The following CACNA1G variants were observed in gnomAD, a reference collection of about 807,000 sequenced individuals.
CACNA1G encodes voltage-dependent T-type calcium channel subunit alpha-1G.
Under a neutral mutation model 219.4 loss-of-function variants are expected in CACNA1G, and 67 were observed. That is an observed-to-expected ratio of 0.31 (90% CI 0.25 to 0.37). CACNA1G has a LOEUF of 0.37. Among genes scored for constraint, CACNA1G ranks in the 10% least tolerant of loss-of-function variants. The probability of loss-of-function intolerance (pLI) is 1.00; values close to 1 mark genes in which losing one functional copy is unlikely to be tolerated. For synonymous variants in CACNA1G, 1,296 were observed against 1,345.3 expected (o/e 0.96, Z 0.80); for missense variants, 2,380 against 3,231.4 (o/e 0.74, Z 6.39).
Position 50,626,967 on chromosome 17 carries a change from C to CCTCAGCTGT in CACNA1G, c.*217_*218insTCAGCTGTC. The CCTCAGCTGT allele has an allele frequency of 1.4e-6, 1 of 701,598 alleles. No individual in the cohort carries two copies. Among genetic ancestry groups the CCTCAGCTGT allele is most frequent in the South Asian group, 1.5e-5 (1 of 67,528 alleles). The allele number at this position is 701,598 out of a possible 1,614,324, so 43.5% of individuals were successfully genotyped here. A position where few individuals can be genotyped will look rare whatever the true frequency, so the allele number is the denominator to read the frequency against. On this transcript the variant is annotated 3_prime_UTR_variant, in exon 38 of 38. Transcript: ENST00000359106. The surrounding 1 kb of genome is among the most constrained non-coding windows in gnomAD (Gnocchi z 4.3). ...TCTGGCTCCAGGCAGAAGGAGAGGC[C>CCTCAGCTGT]CGGTGCAGCTGAGGTTCCCGACACC...
At chr17:50,581,239 A>G (rs1217924819) in intron 9 of CACNA1G, among the ~76,000 whole-genome samples, 1 of 151,846 alleles carries the variant, frequency 6.6e-6, no homozygotes, top group Non-Finnish European at 1.5e-5. Flanking sequence ...AGGGAGCTGA[A>G]GACAGAGACC....
chr17:50,576,205 G>C lies in CACNA1G; in HGVS notation c.1803G>C (p.Thr601=), dbSNP rs751292455. The C allele has an allele frequency of 1.2e-6, 2 of 1,609,006 alleles. No individual in the cohort carries two copies. The highest frequency in any genetic ancestry group is 3.4e-5 in the Admixed American group (2 of 59,604). The change falls in exon 8 of 38, where the codon ACG becomes ACC. Residue 601 remains threonine, a synonymous_variant. Coordinates refer to ENST00000359106, the MANE Select transcript of CACNA1G (RefSeq NM_018896.5). ...PTVHTSPPPE[T]LKEKALVEVA... ...TGCACACCAGCCCTCCACCGGAGAC[G>C]CTGAAGGAGAAGGCACTAGTAGAGG...
At position 50,596,258 on chromosome 17, in the gene CACNA1G, C is replaced by T. The variant is rs955130906; in HGVS notation, c.2980-304C>T. The stretch of plus-strand genomic sequence containing the variant: ...CCCCTCTGGCCTGTGCCACCTGCCA[C>T]CTAGCTACCCCTTCTCTCCCCAGCC... On this transcript the variant is annotated intron_variant, in intron 14 of 37. Coordinates refer to ENST00000359106, the MANE Select transcript of CACNA1G (RefSeq NM_018896.5). The surrounding 1 kb of genome is among the most constrained non-coding windows in gnomAD (Gnocchi z 4.8). Among the ~76,000 whole-genome samples, 1 of 152,226 alleles carries T rather than the reference C, an allele frequency of 6.6e-6. No homozygotes were observed. The highest frequency in any genetic ancestry group is 1.5e-5 in the Non-Finnish European group (1 of 68,036).
intron 2 of CACNA1G, 25 bp from the exon 3 acceptor site, chr17:50,569,140 C>G (rs2038782371): frequency 6.2e-7 from 1 of 1,609,918 alleles, no homozygotes; most frequent in African/African-American, 1.3e-5. Flanking sequence ...GTCTCAGTTT[C>G]AGCCACCTCT....
At chr17:50,591,670 G>A (rs900410269) in intron 11 of CACNA1G, 50 bp downstream of exon 11, 16 of 1,609,458 alleles carry the variant, frequency 9.9e-6, no homozygotes, top group African/African-American at 4.0e-5. Context: ...CAGGCTGGGG[G>A]CAGGAGGGCC....
chr17:50,596,985 G>C lies in CACNA1G; in HGVS notation c.3258+62G>C. The stretch of plus-strand genomic sequence containing the variant: ...TATTCCAAGGAGGACAGGAGGAAGA[G>C]AGGATGGAGGCAGGCGGGTCCAAGG... On this transcript the variant is annotated intron_variant, in intron 16 of 37. Transcript: ENST00000359106. The surrounding 1 kb of genome is among the most constrained non-coding windows in gnomAD (Gnocchi z 4.8). 7.1e-7 allele frequency: 1 copy of C among 1,414,638 alleles called. No individual in the cohort carries two copies. The highest frequency in any genetic ancestry group is 2.5e-5 in the East Asian group (1 of 39,866). 87.6% of individuals were successfully genotyped at this position (1,414,638 alleles called of 1,614,324 possible).
At chr17:50,563,107 G>GT (rs1395917008) in intron 1 of CACNA1G, 1 of 152,470 alleles carries the variant, frequency 6.6e-6, no homozygotes, top group Non-Finnish European at 1.5e-5. Flanking sequence ...GGGGTGGAAG[G>GT]TTGGTGCCGC....
intron 19 of CACNA1G, among the ~76,000 whole-genome samples, chr17:50,602,069 GC>G (rs1407191444): frequency 6.6e-6 from 1 of 152,162 alleles, no homozygotes; most frequent in African/African-American, 2.4e-5. Context: ...AGGGGCGCTG[GC>G]TGCACTCCAG....
At chr17:50,599,006 G>A (rs1268160059) in intron 16 of CACNA1G, among the ~76,000 whole-genome samples, 1 of 152,194 alleles carries the variant, frequency 6.6e-6, no homozygotes, top group Non-Finnish European at 1.5e-5. Context: ...GGGATTACAG[G>A]TGTGAGCCAC....
Position 50,561,487 on chromosome 17 carries a change from G to A in CACNA1G, c.28G>A (p.Ala10Thr). The change falls in exon 1 of 38, where the codon GCC (alanine) becomes ACC (threonine). Residue 10 changes from alanine to threonine, a missense_variant. Around this residue, in one of 17 missense-constraint regions of CACNA1G, gnomAD observed 98 missense variants for 85.5 expected, o/e 1.15. Transcript: ENST00000359106. MDEEEDGAG[A>T]EESGQPRSFM... ...GGACGAGGAGGAGGATGGAGCGGGC[G>A]CCGAGGAGTCGGGACAGCCCCGGAG... The A allele has an allele frequency of 1.3e-6, 2 of 1,535,090 alleles. No homozygotes were observed. Among genetic ancestry groups the A allele is most frequent in the South Asian group, 2.4e-5 (2 of 83,992 alleles).
chr17:50,582,225 C>T (rs550425969), intron 9 of CACNA1G, among the ~76,000 whole-genome samples: 1 of 152,210 alleles, frequency 6.6e-6, no homozygotes, highest in Non-Finnish European at 1.5e-5. Context: ...AGGGAGGGCT[C>T]CGTGTAGGAG....
At chr17:50,567,572 G>T (rs536079962) in intron 1 of CACNA1G, among the ~76,000 whole-genome samples, 15 of 152,004 alleles carry the variant, frequency 9.9e-5, no homozygotes, top group African/African-American at 3.6e-4. Context: ...ACCTGCTCTG[G>T]GCCCTACAGA....
intron 9 of CACNA1G, among the ~76,000 whole-genome samples, chr17:50,587,611 G>T (rs1238795719): frequency 6.6e-6 from 1 of 152,248 alleles, no homozygotes; most frequent in African/African-American, 2.4e-5. Context: ...CCCTGGAGAA[G>T]AAGTGGCATT....
intron 25 of CACNA1G, among the ~76,000 whole-genome samples, chr17:50,608,812 G>A (rs1398145113): frequency 6.6e-6 from 1 of 152,122 alleles, no homozygotes; most frequent in African/African-American, 2.4e-5. Flanking sequence ...AGGCCCCTTT[G>A]TTTCTGGGGC....
Position 50,616,338 on chromosome 17 carries a change from GT to G in CACNA1G, c.4979del (p.Phe1660SerfsTer52). On this transcript the variant is annotated frameshift_variant, in exon 28 of 38. Transcript: ENST00000359106. LOFTEE classifies it high-confidence loss of function. Reference protein sequence around the residue: ...IFTVIFVLESVFKLVAFGFRR... With the variant: ...IFTVIFVLESXFKLVAFGFRR... ...CACTGTCATCTTTGTCTTGGAGTCAGTTTTCAAACTTGTGGCCTTTGGTTTC... is the reference window on the plus strand; with the variant it reads ...CACTGTCATCTTTGTCTTGGAGTCAGTTTCAAACTTGTGGCCTTTGGTTTC... 1 of 1,613,846 alleles carries G rather than the reference GT, an allele frequency of 6.2e-7. No individual in the cohort carries two copies. Among genetic ancestry groups the G allele is most frequent in the Non-Finnish European group, 8.5e-7 (1 of 1,179,748 alleles).
intron 9 of CACNA1G, among the ~76,000 whole-genome samples, chr17:50,581,397 G>T (rs2041928383): frequency 6.6e-6 from 1 of 151,992 alleles, no homozygotes; most frequent in Admixed American, 6.5e-5. Context: ...CGATTGGATG[G>T]GGGGGCGGGC....
At chr17:50,588,703 T>C (rs757416) in intron 9 of CACNA1G, among the ~76,000 whole-genome samples, 67,852 of 152,060 alleles carry the variant, frequency 0.45, 16,124 homozygotes, top group East Asian at 0.89. Context: ...CATGCCATAC[T>C]GGCCCCCACG....
Position 50,618,726 on chromosome 17 carries a change from C to T in CACNA1G, c.5499C>T (p.Ser1833=). The change falls in exon 33 of 38, where the codon TCC becomes TCT. Residue 1833 remains serine (S), a synonymous_variant. Transcript: ENST00000359106. This position sits in a 1 kb window ranked among gnomAD's most constrained non-coding sequence, Gnocchi z 5.3. ...TCATCTCGCCTATCTACTTTGTGTC[C>T]TTCGTGCTGACGGCCCAGTTCGTGC... The part of the protein sequence containing the change: ...NTVISPIYFV[S]FVLTAQFVLV... 6.2e-7 allele frequency: 1 copy of T among 1,614,016 alleles called. No homozygotes were observed. The highest frequency in any genetic ancestry group is 1.7e-5 in the Admixed American group (1 of 60,030).
At chr17:50,611,527 G>A (rs188601003) in intron 26 of CACNA1G, among the ~76,000 whole-genome samples, 3 of 152,256 alleles carry the variant, frequency 2.0e-5, no homozygotes, top group Admixed American at 1.3e-4. Context: ...GTGGTGTTTG[G>A]CATTGAGAGA....
Sources: gnomAD v4.1 joint callset for allele counts (sites outside exome capture counted in the v4.1 genomes callset) on GRCh38, gnomAD v4.1.1 for gene constraint, gnomAD v4.1.1 regional missense constraint, Gnocchi (gnomAD v3.1) non-coding constraint, MANE v1.5 for transcripts, NCBI Gene and HGNC (gene_info 2026-07-23, HGNC 2026-07-21) for gene names.